The following MAP1LC3A variants were observed in gnomAD, a reference collection of about 807,000 sequenced individuals.
MAP1LC3A encodes the protein microtubule-associated protein 1 light chain 3 alpha.
MAP1LC3A carries 10 observed loss-of-function variants against 15.2 expected under a neutral mutation model. The observed-to-expected ratio is 0.66, with a 90% CI of 0.41 to 1.12. The LOEUF is 1.12. Among genes scored for constraint, MAP1LC3A ranks in the 50% most tolerant of loss-of-function variants. MAP1LC3A has a pLI of 0.00. For missense variants in MAP1LC3A, 138 were observed against 167.3 expected (o/e 0.82, Z 0.97); for synonymous variants, 63 against 64.3 (o/e 0.98, Z 0.10).
upstream of MAP1LC3A, among the ~76,000 whole-genome samples, chr20:34,554,209 T>A (rs960292497): frequency 2.0e-5 from 3 of 152,162 alleles, no homozygotes; most frequent in African/African-American, 7.2e-5. Flanking sequence ...ACAGGTTTGC[T>A]CTTTTTTTGT....
rs746740420 is a variant in MAP1LC3A at position 34,558,930 on chromosome 20, G to A, written c.40+22G>A. On this transcript the variant is annotated intron_variant, in intron 1 of 3. Coordinates refer to ENST00000360668, the MANE Select transcript of MAP1LC3A (RefSeq NM_032514.4). This position sits in a 1 kb window ranked among gnomAD's most constrained non-coding sequence, Gnocchi z 4.3. The stretch of plus-strand genomic sequence containing the variant: ...TTCGGTGAGGCCCGGCAGGCGAGCT[G>A]CGAGCTCTGGGGCAGGGGTGCCGGC... 5.1e-6 allele frequency: 7 copies of A among 1,381,188 alleles called. No homozygotes were observed. In the South Asian group the frequency reaches 9.6e-5, roughly 19 times the overall value. The allele number at this position is 1,381,188 out of a possible 1,614,324, so 85.6% of individuals were successfully genotyped here.
intron 2 of MAP1LC3A, 37 bp downstream of exon 2, chr20:34,559,300 CTCG>C: frequency 6.3e-7 from 1 of 1,579,338 alleles, no homozygotes; most frequent in Admixed American, 1.7e-5. Context: ...CCGCCCCCGC[CTCG>C]CGCGTTCCCG....
chr20:34,559,461 G>A lies in MAP1LC3A; in HGVS notation c.203+8G>A. ...GTTGGTCAAGATCATCCGGTGCGTGGGCAGCCGCCGCCAGGAGGTGGCTAG... is the reference window on the plus strand; with the variant it reads ...GTTGGTCAAGATCATCCGGTGCGTGAGCAGCCGCCGCCAGGAGGTGGCTAG... On this transcript the variant is annotated splice_region_variant and intron_variant, in intron 3 of 3. Coordinates refer to ENST00000360668, the MANE Select transcript of MAP1LC3A (RefSeq NM_032514.4). 1.2e-6 allele frequency: 2 copies of A among 1,609,146 alleles called. No individual in the cohort carries two copies. Among genetic ancestry groups the A allele is most frequent in the African/African-American group, 1.3e-5 (1 of 74,944 alleles).
chr20:34,559,527 A>G, intron 3 of MAP1LC3A, 74 bp downstream of exon 3: 3 of 1,399,234 alleles, frequency 2.1e-6, no homozygotes, highest in Non-Finnish European at 3.0e-6. Flanking sequence ...AAGGGGTGGG[A>G]GTGGGGTCAG....
intron 2 of MAP1LC3A, among the ~76,000 whole-genome samples, chr20:34,550,227 G>A (rs1434923721): frequency 6.6e-6 from 1 of 152,222 alleles, no homozygotes; most frequent in African/African-American, 2.4e-5. Flanking sequence ...GGTGGGAGCA[G>A]AGCAGTCGAG....
At chr20:34,555,565 CCTT>C (rs73622017), upstream of MAP1LC3A, among the ~76,000 whole-genome samples, 238 of 152,220 alleles carry the variant, frequency 1.6e-3, 2 homozygotes, top group East Asian at 0.036. Context: ...CACTATTACT[CCTT>C]CTTAAATTTC....
chr20:34,549,279 G>T lies in MAP1LC3A; in HGVS notation c.-73-626G>T, dbSNP rs189353235. ...GACCTCAGGTGATCAGACCACCTTG[G>T]CCTCCCAAAGTGCTGGGATTACAGG... On this transcript the variant is annotated intron_variant, in intron 1 of 4. Transcript: ENST00000374837. Among the ~76,000 whole-genome samples the T allele has an allele frequency of 2.2e-3, 335 of 152,284 alleles. 13 individuals carry two copies. The South Asian group carries it at 0.05, about 23-fold the overall frequency.
In MAP1LC3A at chr20:34,560,008, G is replaced by A; in HGVS notation, c.*110G>A. ...GCCTCTACCGTGGTGGGCTGGGCAG[G>A]CATGTGCCCCCCTAGTCAGAGGGCA... On this transcript the variant is annotated 3_prime_UTR_variant, in exon 4 of 4. Transcript: ENST00000360668. 1 of 1,203,826 alleles carries A rather than the reference G, an allele frequency of 8.3e-7. No homozygotes were observed. The highest frequency in any genetic ancestry group is 1.1e-6 in the Non-Finnish European group (1 of 869,612). The allele number at this position is 1,203,826 out of a possible 1,614,324, so 74.6% of individuals were successfully genotyped here. A position where few individuals can be genotyped will look rare whatever the true frequency, so the allele number is the denominator to read the frequency against.
At chr20:34,553,025 C>A (rs1449416014) in intron 2 of MAP1LC3A, among the ~76,000 whole-genome samples, 1 of 152,006 alleles carries the variant, frequency 6.6e-6, no homozygotes, top group African/African-American at 2.4e-5. Context: ...CCCGTCTCTA[C>A]CAAAAATACA....
chr20:34,553,134 C>T (rs775045754), intron 2 of MAP1LC3A, among the ~76,000 whole-genome samples: 17 of 152,016 alleles, frequency 1.1e-4, no homozygotes, highest in Non-Finnish European at 2.2e-4. Flanking sequence ...GGTTGCGGTA[C>T]GCCAATATTG....
At chr20:34,555,653 ATT>A (rs35387399), upstream of MAP1LC3A, among the ~76,000 whole-genome samples, 1 of 144,436 alleles carries the variant, frequency 6.9e-6, no homozygotes, top group Non-Finnish European at 1.5e-5. Flanking sequence ...TATAAATCTG[ATT>A]TTTTTTTTTT....
chr20:34,552,345 C>A (rs1046604115), intron 2 of MAP1LC3A, among the ~76,000 whole-genome samples: 20 of 152,238 alleles, frequency 1.3e-4, no homozygotes, highest in Admixed American at 5.9e-4. Context: ...AGAGGGACCA[C>A]TACCATTATT....
upstream of MAP1LC3A, among the ~76,000 whole-genome samples, chr20:34,557,782 G>C (rs991935127): frequency 1.3e-5 from 2 of 152,072 alleles, no homozygotes; most frequent in African/African-American, 4.8e-5. Flanking sequence ...ATAATTAGCT[G>C]GGGGTGGTGG....
chr20:34,550,980 G>A (rs573415087), intron 2 of MAP1LC3A, among the ~76,000 whole-genome samples: 1 of 152,148 alleles, frequency 6.6e-6, no homozygotes, highest in East Asian at 1.9e-4. Context: ...GGGCACGGTG[G>A]CTCATGCTTG....
upstream of MAP1LC3A, chr20:34,558,501 C>T (rs1300688777): frequency 6.7e-6 from 7 of 1,047,906 alleles, no homozygotes; most frequent in East Asian, 3.6e-4. The surrounding 1 kb of genome is among the most constrained non-coding windows in gnomAD (Gnocchi z 4.3). Flanking sequence ...GCCCTCCGGG[C>T]CTTACCTTGA....
upstream of MAP1LC3A, chr20:34,558,281 T>G (rs1982234335): frequency 1.0e-6 from 1 of 985,600 alleles, no homozygotes. The surrounding 1 kb of genome is among the most constrained non-coding windows in gnomAD (Gnocchi z 4.3). Flanking sequence ...ATTTCTAGCA[T>G]CCTGTTCTAT....
chr20:34,549,864 CCTCCTGCCT>C (rs890783595), intron 1 of MAP1LC3A: 33 of 832,094 alleles, frequency 4.0e-5, no homozygotes, highest in Non-Finnish European at 6.1e-5. Flanking sequence ...GTCCCTCCTG[CCTCCTGCCT>C]CCGTGCTGAT....
chr20:34,554,849 G>T (rs546562149), upstream of MAP1LC3A, among the ~76,000 whole-genome samples: 113 of 150,972 alleles, frequency 7.5e-4, no homozygotes, highest in Non-Finnish European at 1.3e-3. Flanking sequence ...TTTGTATTTT[G>T]TAATTTTTGT....
chr20:34,547,576 G>A (rs1981786061), intron 1 of MAP1LC3A, among the ~76,000 whole-genome samples: 1 of 151,818 alleles, frequency 6.6e-6, no homozygotes, highest in Non-Finnish European at 1.5e-5. Flanking sequence ...TCATGGGGGC[G>A]GTTCCCCCAT....
Sources: allele counts gnomAD v4.1 joint callset (sites outside exome capture counted in the v4.1 genomes callset), GRCh38; gene constraint gnomAD v4.1.1; non-coding constraint Gnocchi (gnomAD v3.1); transcripts MANE v1.5; gene names NCBI Gene and HGNC (gene_info 2026-07-23, HGNC 2026-07-21).